The following MAD1L1 variants were observed in gnomAD, a reference collection of about 807,000 sequenced individuals.
MAD1L1 encodes the protein mitotic spindle assembly checkpoint protein MAD1.
A neutral mutation model predicts 96.9 loss-of-function variants in MAD1L1; 95 were observed. The observed-to-expected ratio is 0.98, with a 90% confidence interval of 0.83 to 1.16. MAD1L1 has a LOEUF of 1.16. Ranked by LOEUF, MAD1L1 falls within the 50% of genes most tolerant of loss-of-function variation. The probability of loss-of-function intolerance (pLI) is 0.00; values close to 1 mark genes in which losing one functional copy is unlikely to be tolerated. For missense variants in MAD1L1, 1,007 were observed against 954.4 expected (o/e 1.06, Z -0.73); for synonymous variants, 473 against 396.6 (o/e 1.19, Z -2.29).
chr7:1,858,825 C>T (rs181731266), intron 18 of MAD1L1, among the ~76,000 whole-genome samples: 39 of 152,356 alleles, frequency 2.6e-4, no homozygotes, highest in Admixed American at 1.2e-3. Context: ...TTCACGAGCA[C>T]GGGCAGTCAG....
chr7:1,954,512 G>A (rs537525757), intron 16 of MAD1L1, among the ~76,000 whole-genome samples: 49 of 152,316 alleles, frequency 3.2e-4, no homozygotes, highest in African/African-American at 1.1e-3. Context: ...GGTGGGGACA[G>A]GGGTGGGGCA....
intron 11 of MAD1L1, among the ~76,000 whole-genome samples, chr7:2,130,445 A>G (rs1197317064): frequency 1.3e-5 from 2 of 152,198 alleles, no homozygotes; most frequent in Non-Finnish European, 1.5e-5. Context: ...GAGAGGCCAG[A>G]GCTTAACTCT....
intron 12 of MAD1L1, among the ~76,000 whole-genome samples, chr7:2,044,917 C>T (rs902633697): frequency 3.3e-5 from 5 of 152,170 alleles, no homozygotes; most frequent in Non-Finnish European, 5.9e-5. Flanking sequence ...AGCCCCGGGC[C>T]AGGCCTGTCA....
intron 4 of MAD1L1, among the ~76,000 whole-genome samples, chr7:2,225,020 C>G (rs1793808848): frequency 6.6e-6 from 1 of 152,220 alleles, no homozygotes; most frequent in Non-Finnish European, 1.5e-5. Flanking sequence ...GGAGACCCAG[C>G]AAAAGAATCT....
intron 14 of MAD1L1, among the ~76,000 whole-genome samples, chr7:1,984,895 C>A (rs146484972): frequency 6.6e-6 from 1 of 152,014 alleles, no homozygotes; most frequent in African/African-American, 2.4e-5. Flanking sequence ...TACTTTTTTG[C>A]GTGTAATTCT....
chr7:1,818,857 A>AGGGGGG (rs1781972913), intron 18 of MAD1L1, among the ~76,000 whole-genome samples: 2 of 138,482 alleles, frequency 1.4e-5, no homozygotes, highest in South Asian at 2.5e-4. Flanking sequence ...GCTGCCCTCC[A>AGGGGGG]GGTGGGGGTG....
intron 7 of MAD1L1, among the ~76,000 whole-genome samples, chr7:2,217,333 C>CTG (rs1793343171): frequency 6.6e-6 from 1 of 152,212 alleles, no homozygotes; most frequent in South Asian, 2.1e-4. Context: ...CCAGAAAATC[C>CTG]TGAGAGGTGG....
At chr7:1,906,069 AAAAG>A in intron 17 of MAD1L1, among the ~76,000 whole-genome samples, 1 of 150,148 alleles carries the variant, frequency 6.7e-6, no homozygotes, top group Non-Finnish European at 1.5e-5. Context: ...AAAAAAAAAA[AAAAG>A]AGCCGGGGCC....
intron 10 of MAD1L1, among the ~76,000 whole-genome samples, chr7:2,176,060 G>A (rs1790933088): frequency 6.6e-6 from 1 of 152,186 alleles, no homozygotes; most frequent in Non-Finnish European, 1.5e-5. Flanking sequence ...ACGAGTCTAA[G>A]GATGAGTCTG....
intron 3 of MAD1L1, among the ~76,000 whole-genome samples, chr7:2,228,722 T>C (rs1794039893): frequency 6.7e-6 from 1 of 150,254 alleles, no homozygotes; most frequent in Admixed American, 6.7e-5. Flanking sequence ...GAAAGGGCAG[T>C]GAGCAAGCTA....
At chr7:1,855,610 C>G (rs1784209254) in intron 18 of MAD1L1, among the ~76,000 whole-genome samples, 1 of 152,186 alleles carries the variant, frequency 6.6e-6, no homozygotes, top group East Asian at 1.9e-4. Flanking sequence ...CACCCACGGC[C>G]TCCTCAGAGC....
intron 10 of MAD1L1, among the ~76,000 whole-genome samples, chr7:2,183,233 C>T (rs558645890): frequency 1.3e-4 from 20 of 150,408 alleles, no homozygotes; most frequent in African/African-American, 4.9e-4. Flanking sequence ...AAAAGAACAA[C>T]AGTCAGTCTT....
At chr7:1,977,065 C>T (rs1294275624) in intron 15 of MAD1L1, among the ~76,000 whole-genome samples, 4 of 152,266 alleles carry the variant, frequency 2.6e-5, no homozygotes, top group Admixed American at 6.5e-5. Flanking sequence ...GTGGATCCCA[C>T]GCCGGGCTGG....
At chr7:1,923,486 G>GGGCAACCCCGCTCTCTTCCGCCCCGGCAC (rs1562527703) in intron 17 of MAD1L1, among the ~76,000 whole-genome samples, 1 of 150,234 alleles carries the variant, frequency 6.7e-6, no homozygotes. Context: ...CGCCCCGGCA[G>GGGCAACCCCGCTCTCTTCCGCCCCGGCAC]CCGGGCAACC....
rs541710342 is a variant in MAD1L1, at chr7:2,007,270, C to T, written c.1360-5149G>A. On this transcript the variant is annotated intron_variant, in intron 13 of 18. Transcript: ENST00000265854. ...GCCCCGCTGGATCCAGATACCAAAG[C>T]CGACAGTGCCACAGCGGAGCGTTCT... Among the ~76,000 whole-genome samples the T allele has an allele frequency of 3.3e-5, 5 of 152,348 alleles. No homozygotes were observed. In the East Asian group the frequency reaches 7.7e-4, roughly 24 times the overall value.
At chr7:2,102,882 C>T (rs1390715088) in intron 11 of MAD1L1, among the ~76,000 whole-genome samples, 4 of 152,214 alleles carry the variant, frequency 2.6e-5, no homozygotes, top group Non-Finnish European at 5.9e-5. Flanking sequence ...AGAGACAATG[C>T]CCAGAGATGG....
intron 18 of MAD1L1, among the ~76,000 whole-genome samples, chr7:1,850,354 A>G (rs527821322): frequency 5.5e-4 from 83 of 151,882 alleles, no homozygotes; most frequent in African/African-American, 1.9e-3. Flanking sequence ...CCTCCTAGGA[A>G]CTCACCCCCT....
At chr7:2,160,742 G>A (rs941172603) in intron 10 of MAD1L1, among the ~76,000 whole-genome samples, 3 of 152,016 alleles carry the variant, frequency 2.0e-5, no homozygotes, top group Non-Finnish European at 4.4e-5. Context: ...AGCCTCCAGA[G>A]TAGCTGGGAT....
intron 18 of MAD1L1, 85 bp from the exon 19 acceptor site, chr7:1,816,313 A>G: frequency 7.3e-7 from 1 of 1,371,804 alleles, no homozygotes; most frequent in Middle Eastern, 2.5e-4. Flanking sequence ...CAGCCCCTCC[A>G]GCCATGGGGG....
Sources: allele counts gnomAD v4.1 joint callset (sites outside exome capture counted in the v4.1 genomes callset), GRCh38; gene constraint gnomAD v4.1.1; transcripts MANE v1.5; gene names NCBI Gene and HGNC (gene_info 2026-07-23, HGNC 2026-07-21).